DCDC1: variants seen among roughly 807,000 people sequenced by gnomAD.
The protein encoded by DCDC1 is doublecortin domain-containing protein 1.
A neutral mutation model predicts 178.3 loss-of-function variants in DCDC1; 200 were observed. The observed-to-expected ratio is 1.12, with a 90% CI of 1.00 to 1.26. The LOEUF (loss-of-function observed/expected upper bound fraction) is 1.26, where lower values mean the gene tolerates loss of function less well. DCDC1 is among the 50% of genes most tolerant of loss of function. The pLI is 0.00. For synonymous variants in DCDC1, 690 were observed against 604.8 expected, an observed-to-expected ratio of 1.14 and a Z score of -2.07; for missense variants, 1,983 against 1,749.2, an observed-to-expected ratio of 1.13 and a Z score of -2.38.
At position 31,137,716 on chromosome 11, in the gene DCDC1, C is replaced by T. The variant is rs956298217; in HGVS notation, c.1290G>A (p.Lys430=). The change falls in exon 10 of 39, where the codon AAG becomes AAA. Residue 430 remains lysine (K), a synonymous_variant. Transcript: ENST00000684477. ...TEKVILSMTA[K]EHHKEQEEVS... is the part of the protein sequence containing the mutation. ...CTTCTTCCTGTTCCTTATGGTGTTC[C>T]TTTGCCGTCATTGAAAGAATGACTT... The T allele has an allele frequency of 2.0e-5, 14 of 702,562 alleles. No individual in the cohort carries two copies. The Admixed American group carries it at 2.2e-4, about 11-fold the overall frequency. The allele number at this position is 702,562 out of a possible 1,614,324, so 43.5% of individuals were successfully genotyped here.
Position 30,922,582 on chromosome 11 carries a change from T to G in DCDC1, c.3054A>C (p.Gln1018His), listed in dbSNP as rs781114523. Residue 1018 changes from glutamine (Q) to histidine (H), a missense_variant, in exon 24 of 39, where the codon CAA becomes CAC. By Grantham distance (24) the Gln-to-His change is conservative (BLOSUM62 0). Transcript: ENST00000684477. ...WINPDLSIAQ[Q>H]KKQIFLRNLE... ...GGTTCCTCAGGAATATTTGTTTCTT[T>G]TGCTGAGCAATGGACAGGTCAGGAT... The G allele has an allele frequency of 6.3e-7, 1 of 1,588,234 alleles. No individual in the cohort carries two copies. The highest frequency in any genetic ancestry group is 8.5e-7 in the Non-Finnish European group (1 of 1,171,076).
chr11:31,227,542 A>T (rs1975154802), intron 9 of DCDC1, among the ~76,000 whole-genome samples: 1 of 152,182 alleles, frequency 6.6e-6, no homozygotes, highest in African/African-American at 2.4e-5. Flanking sequence ...AGTAGCAATG[A>T]AGTGACCACA....
intron 3 of DCDC1, among the ~76,000 whole-genome samples, chr11:31,321,790 AC>A (rs1165320679): frequency 6.6e-6 from 1 of 152,204 alleles, no homozygotes; most frequent in East Asian, 1.9e-4. Flanking sequence ...CTCAGAACTT[AC>A]ATTTTCTAGA....
chr11:30,918,626 AGAGG>A (rs373938523), intron 25 of DCDC1, among the ~76,000 whole-genome samples: 2 of 152,244 alleles, frequency 1.3e-5, no homozygotes, highest in East Asian at 3.9e-4. Flanking sequence ...GTAAGGATCT[AGAGG>A]GAGAGCATTC....
chr11:31,074,845 G>A (rs1288990310), intron 18 of DCDC1, among the ~76,000 whole-genome samples: 1 of 152,134 alleles, frequency 6.6e-6, no homozygotes, highest in African/African-American at 2.4e-5. Flanking sequence ...ATCATAAAGG[G>A]TGACTCTGGT....
chr11:31,183,128 C>T (rs1969038118), intron 9 of DCDC1, among the ~76,000 whole-genome samples: 1 of 152,144 alleles, frequency 6.6e-6, no homozygotes, highest in Non-Finnish European at 1.5e-5. Context: ...TACGAAGAGA[C>T]TTAGACTCCC....
At chr11:30,921,082 A>G in intron 24 of DCDC1, 147 bp from the exon 25 acceptor site, 1 of 799,274 alleles carries the variant, frequency 1.3e-6, no homozygotes, top group South Asian at 2.7e-5. Context: ...AGTTGAATTT[A>G]ATTTTAATTT....
intron 9 of DCDC1, among the ~76,000 whole-genome samples, chr11:31,139,123 A>G (rs1591183308): frequency 6.6e-6 from 1 of 152,154 alleles, no homozygotes; most frequent in Non-Finnish European, 1.5e-5. Context: ...CACATTATAT[A>G]TATATACACG....
chr11:31,146,926 G>A (rs755581935), intron 9 of DCDC1, among the ~76,000 whole-genome samples: 8 of 152,140 alleles, frequency 5.3e-5, no homozygotes, highest in African/African-American at 9.6e-5. Context: ...GCCTCCTTCC[G>A]CCTGCCTTTG....
intron 3 of DCDC1, among the ~76,000 whole-genome samples, chr11:31,323,845 T>C (rs1362583564): frequency 6.6e-6 from 1 of 152,084 alleles, no homozygotes; most frequent in Non-Finnish European, 1.5e-5. Flanking sequence ...AAGCACAAAG[T>C]TTTTATTAAA....
intron 36 of DCDC1, chr11:30,882,724 T>C (rs1241262409): frequency 6.6e-6 from 1 of 152,056 alleles, no homozygotes; most frequent in East Asian, 1.9e-4. Flanking sequence ...CAAGGAAATA[T>C]AAATAGAAAA....
chr11:31,215,630 T>TA (rs1446392658), intron 9 of DCDC1, among the ~76,000 whole-genome samples: 1 of 151,770 alleles, frequency 6.6e-6, no homozygotes, highest in Non-Finnish European at 1.5e-5. Context: ...CCATCTCTAC[T>TA]AAAATACAAA....
chr11:31,050,411 C>T (rs189564963), intron 20 of DCDC1, among the ~76,000 whole-genome samples: 9 of 152,284 alleles, frequency 5.9e-5, no homozygotes, highest in Non-Finnish European at 1.2e-4. Context: ...ATGGTCCTTC[C>T]CTATCAACCC....
Position 30,995,475 on chromosome 11 carries a change from G to GTTCTA in DCDC1, c.2592-42908_2592-42907insTAGAA, listed in dbSNP as rs1403407106. On this transcript the variant is annotated intron_variant, in intron 20 of 38. Transcript: ENST00000684477. ...CCAAGTAATTCTGAAAAAGAACAAT[G>GTTCTA]GTAGAAGACTCACACTACCCAATTC... is the stretch of plus-strand genomic sequence containing the variant. Among the ~76,000 whole-genome samples, 4 of 152,196 alleles carry GTTCTA rather than the reference G, an allele frequency of 2.6e-5. No individual in the cohort carries two copies. In the East Asian group the frequency reaches 7.7e-4, roughly 29 times the overall value.
intron 7 of DCDC1, among the ~76,000 whole-genome samples, chr11:31,273,000 G>A (rs967899970): frequency 5.9e-5 from 9 of 152,296 alleles, no homozygotes; most frequent in Middle Eastern, 3.4e-3. Context: ...TTTCAGCCAC[G>A]GCTGGAGCAG....
chr11:30,918,065 A>G (rs999202781), intron 25 of DCDC1, among the ~76,000 whole-genome samples: 4 of 152,074 alleles, frequency 2.6e-5, no homozygotes, highest in African/African-American at 9.7e-5. Flanking sequence ...CAACAGCGCC[A>G]TCTTGTGTTA....
intron 22 of DCDC1, among the ~76,000 whole-genome samples, chr11:30,926,717 G>A (rs1176124411): frequency 1.3e-5 from 2 of 152,138 alleles, no homozygotes; most frequent in Non-Finnish European, 2.9e-5. Context: ...GCTTTATAAA[G>A]AATGTTTCTA....
intron 11 of DCDC1, among the ~76,000 whole-genome samples, chr11:31,121,278 A>G (rs945099778): frequency 1.1e-4 from 17 of 151,802 alleles, no homozygotes; most frequent in Admixed American, 1.3e-4. Context: ...AAAGGTGACA[A>G]TGATCATTAG....
chr11:30,903,005 G>C (rs1173576330), intron 32 of DCDC1, among the ~76,000 whole-genome samples: 7 of 152,090 alleles, frequency 4.6e-5, no homozygotes, highest in Admixed American at 4.6e-4. Context: ...AAGTGGAGAA[G>C]ACAGAGACAG....
Sources: allele counts gnomAD v4.1 joint callset (sites outside exome capture counted in the v4.1 genomes callset), GRCh38; gene constraint gnomAD v4.1.1; transcripts MANE v1.5; gene names NCBI Gene and HGNC (gene_info 2026-07-23, HGNC 2026-07-21).